PRDM2: variants seen among roughly 807,000 people sequenced by gnomAD.
PRDM2 encodes the protein PR/SET domain 2.
A neutral mutation model predicts 130.0 loss-of-function variants in PRDM2; 30 were observed. The ratio of observed to expected loss-of-function variants is 0.23; its 90% CI spans 0.17 to 0.31. The LOEUF (loss-of-function observed/expected upper bound fraction) is 0.31, where lower values mean the gene tolerates loss of function less well. Ranked by LOEUF, PRDM2 falls within the 10% of genes least tolerant of loss-of-function variation. The pLI is 1.00. For missense variants in PRDM2, 2,011 were observed against 2,108.4 expected, an observed-to-expected ratio of 0.95 and a Z score of 0.90; for synonymous variants, 871 against 782.4, an observed-to-expected ratio of 1.11 and a Z score of -1.89.
chr1:13,758,270 C>G (rs1388767687), intron 6 of PRDM2, among the ~76,000 whole-genome samples: 1 of 151,722 alleles, frequency 6.6e-6, no homozygotes, highest in African/African-American at 2.4e-5. Context: ...ATGGTAAAAC[C>G]CCGTCTCTAC....
chr1:13,731,976 G>A (rs540270573), intron 3 of PRDM2, among the ~76,000 whole-genome samples: 4 of 152,242 alleles, frequency 2.6e-5, no homozygotes, highest in Non-Finnish European at 2.9e-5. Flanking sequence ...CAGAGAAGTG[G>A]AATTTGTACA....
intron 6 of PRDM2, among the ~76,000 whole-genome samples, chr1:13,768,580 C>T (rs1011130259): frequency 6.6e-6 from 1 of 151,604 alleles, no homozygotes; most frequent in Admixed American, 6.6e-5. Context: ...GGGTTTCACC[C>T]ACCATGTTGG....
intron 2 of PRDM2, among the ~76,000 whole-genome samples, chr1:13,716,861 A>AT (rs527934965): frequency 1.2e-4 from 18 of 150,334 alleles, no homozygotes; most frequent in Admixed American, 4.0e-4. Flanking sequence ...GAAGTATGTA[A>AT]TTTTTTTTTT....
At chr1:13,703,766 A>G (rs1206477084) in intron 1 of PRDM2, among the ~76,000 whole-genome samples, 1 of 152,284 alleles carries the variant, frequency 6.6e-6, no homozygotes, top group Non-Finnish European at 1.5e-5. Flanking sequence ...CGCAGAAACA[A>G]CTGTCTTCTA....
chr1:13,701,357 A>T (rs1642068681), intron 1 of PRDM2, among the ~76,000 whole-genome samples: 1 of 152,162 alleles, frequency 6.6e-6, no homozygotes, highest in Non-Finnish European at 1.5e-5. Flanking sequence ...AGTGACCGAA[A>T]CTTTTAACAA....
intron 1 of PRDM2, among the ~76,000 whole-genome samples, chr1:13,714,474 A>G (rs1401428617): frequency 6.6e-6 from 1 of 152,114 alleles, no homozygotes; most frequent in Non-Finnish European, 1.5e-5. Context: ...TCAGACGGCC[A>G]GGCCCTAACT....
Position 13,781,875 on chromosome 1 carries a change from C to T in PRDM2, c.4080C>T (p.Asp1360=). The change falls in exon 8 of 10, where the codon GAC becomes GAT. Residue 1360 remains aspartate, a synonymous_variant. Transcript: ENST00000311066. The surrounding 1 kb of genome is among the most constrained non-coding windows in gnomAD (Gnocchi z 6.1). ...TCCTGGCTTGTGCTTCTGCAAGTGA[C>T]AAGAAGAGGTACACGCCTAAGAAAA... The part of the protein sequence containing the change: ...KHILACASAS[D]KKRYTPKKNP... 2.5e-6 allele frequency: 4 copies of T among 1,614,070 alleles called. No individual in the cohort carries two copies. Among genetic ancestry groups the T allele is most frequent in the Non-Finnish European group, 8.5e-7 (1 of 1,180,002 alleles).
Position 13,749,446 on chromosome 1 carries a change from C to T in PRDM2, c.470C>T (p.Ala157Val), listed in dbSNP as rs201537864. The change falls in exon 6 of 10, where the codon GCC becomes GTC. Residue 157 changes from alanine to valine, a missense_variant. Physicochemically the swap from Ala to Val is moderately conservative, Grantham distance 64 (BLOSUM62 0). Around this residue, in one of 5 missense-constraint regions of PRDM2, gnomAD observed 1,288 missense variants for 1,237.7 expected, o/e 1.04. Coordinates refer to ENST00000311066, the MANE Select transcript of PRDM2 (RefSeq NM_001393986.1). ...EIAAAIEEER[A>V]SARSKRSSPK... is the part of the protein sequence containing the mutation. ...GCAGCTGCGATTGAGGAAGAGCGAG[C>T]CAGCGCCCGGAGCAAGCGGAGCTCC... 1.1e-5 allele frequency: 16 copies of T among 1,509,916 alleles called. No individual in the cohort carries two copies. Among genetic ancestry groups the T allele is most frequent in the Non-Finnish European group, 1.3e-5 (15 of 1,117,166 alleles). The allele number at this position is 1,509,916 out of a possible 1,614,324, so 93.5% of individuals were successfully genotyped here.
At position 13,758,912 on chromosome 1, in the gene PRDM2, CTG is replaced by C. The variant is rs577434119; in HGVS notation, c.511+9434_511+9435del. Reference sequence around the variant, plus strand: ...TATTCTAATGAATAAGATAATGATACTGTGTGTGTGGTATATAAAAATAACAG... The same window carrying C: ...TATTCTAATGAATAAGATAATGATACTGTGTGTGGTATATAAAAATAACAG... On this transcript the variant is annotated intron_variant, in intron 6 of 9. Coordinates refer to ENST00000311066, the MANE Select transcript of PRDM2 (RefSeq NM_001393986.1). Among the ~76,000 whole-genome samples the C allele has an allele frequency of 1.8e-4, 27 of 152,132 alleles. No homozygotes were observed. The East Asian group carries it at 2.9e-3, about 16-fold the overall frequency.
chr1:13,810,888 G>A (rs1211515328), intron 8 of PRDM2, among the ~76,000 whole-genome samples: 1 of 151,942 alleles, frequency 6.6e-6, no homozygotes, highest in Non-Finnish European at 1.5e-5. Context: ...GCTTCTGTCA[G>A]AGTTTACAGA....
chr1:13,708,422 A>G (rs1642272323), intron 1 of PRDM2, among the ~76,000 whole-genome samples: 1 of 152,102 alleles, frequency 6.6e-6, no homozygotes, highest in Non-Finnish European at 1.5e-5. Flanking sequence ...TCATTTTCTC[A>G]CTGGAGCTCT....
chr1:13,778,215 C>G (rs1644522252), intron 7 of PRDM2, among the ~76,000 whole-genome samples: 1 of 152,158 alleles, frequency 6.6e-6, no homozygotes, highest in Admixed American at 6.5e-5. Context: ...GGCTGGTACC[C>G]TAAATACTTG....
chr1:13,777,495 T>TA (rs1419238262), intron 7 of PRDM2, among the ~76,000 whole-genome samples: 1 of 149,846 alleles, frequency 6.7e-6, no homozygotes, highest in African/African-American at 2.5e-5. Flanking sequence ...TCTCTAGTCT[T>TA]ACCTCCTGCC....
intron 8 of PRDM2, among the ~76,000 whole-genome samples, chr1:13,794,712 C>T (rs1030441539): frequency 4.6e-5 from 7 of 152,206 alleles, no homozygotes; most frequent in Non-Finnish European, 1.0e-4. Context: ...GTCAGCATCA[C>T]TATTATGACT....
At chr1:13,767,280 T>A (rs564141489) in intron 6 of PRDM2, among the ~76,000 whole-genome samples, 31 of 152,000 alleles carry the variant, frequency 2.0e-4, no homozygotes, top group African/African-American at 5.1e-4. Flanking sequence ...TTTTTTTTTT[T>A]AAACTATAAA....
At chr1:13,810,439 G>T (rs1645152643) in intron 8 of PRDM2, among the ~76,000 whole-genome samples, 1 of 152,010 alleles carries the variant, frequency 6.6e-6, no homozygotes, top group Non-Finnish European at 1.5e-5. Flanking sequence ...CGTTTGAATT[G>T]TGTGTACAGT....
chr1:13,764,639 A>G (rs1644181766), intron 6 of PRDM2, among the ~76,000 whole-genome samples: 2 of 152,184 alleles, frequency 1.3e-5, no homozygotes, highest in Admixed American at 6.5e-5. Flanking sequence ...TCAGCCTGAC[A>G]TTTGGAAGAG....
chr1:13,807,483 T>C (rs1482098176), intron 8 of PRDM2, among the ~76,000 whole-genome samples: 1 of 151,912 alleles, frequency 6.6e-6, no homozygotes, highest in East Asian at 1.9e-4. Context: ...ACTCAGAAAG[T>C]AAAAGGGAGT....
chr1:13,816,322 C>T, intron 8 of PRDM2, 105 bp from the exon 9 acceptor site: 2 of 1,432,200 alleles, frequency 1.4e-6, no homozygotes, highest in Non-Finnish European at 1.9e-6. Context: ...CAATCCTATC[C>T]TGGCCTGGGA....
Sources: gnomAD v4.1 joint callset for allele counts (sites outside exome capture counted in the v4.1 genomes callset) on GRCh38, gnomAD v4.1.1 for gene constraint, gnomAD v4.1.1 regional missense constraint, Gnocchi (gnomAD v3.1) non-coding constraint, MANE v1.5 for transcripts, NCBI Gene and HGNC (gene_info 2026-07-23, HGNC 2026-07-21) for gene names.